FYN: variants seen among roughly 807,000 people sequenced by gnomAD.
The protein encoded by FYN is FYN proto-oncogene, Src family tyrosine kinase, also known as tyrosine-protein kinase Fyn.
Under a neutral mutation model 70.2 loss-of-function variants are expected in FYN, and 10 were observed. That is an observed-to-expected ratio of 0.14 (90% CI 0.09 to 0.24). FYN has a LOEUF of 0.24. FYN is among the 10% of genes least tolerant of loss of function. The pLI, the probability that FYN is intolerant of heterozygous loss-of-function variation, is 1.00. For synonymous variants in FYN, 236 were observed against 248.6 expected, an observed-to-expected ratio of 0.95 and a Z score of 0.48; for missense variants, 319 against 673.1, an observed-to-expected ratio of 0.47 and a Z score of 5.82.
intron 13 of FYN, among the ~76,000 whole-genome samples, chr6:111,670,851 G>C (rs891951213): frequency 6.6e-6 from 1 of 152,044 alleles, no homozygotes; most frequent in African/African-American, 2.4e-5. Flanking sequence ...TGAAATGACA[G>C]GTAAAAATGC....
chr6:111,675,150 T>C (rs1287840515), intron 12 of FYN, among the ~76,000 whole-genome samples: 1 of 152,160 alleles, frequency 6.6e-6, no homozygotes, highest in Non-Finnish European at 1.5e-5. Context: ...CTCCAGCTCC[T>C]TCTCTCTCCA....
intron 3 of FYN, among the ~76,000 whole-genome samples, chr6:111,764,699 A>G (rs1419472817): frequency 6.6e-6 from 1 of 152,160 alleles, no homozygotes; most frequent in Admixed American, 6.5e-5. Context: ...GTCACTTATC[A>G]ACTGTCTTAA....
chr6:111,857,273 A>G (rs1013521448), intron 1 of FYN, among the ~76,000 whole-genome samples: 3 of 152,190 alleles, frequency 2.0e-5, no homozygotes, highest in Admixed American at 6.5e-5. Context: ...ATCACAGTAA[A>G]TTCATTAGAG....
chr6:111,688,239 A>ACGGCGTG (rs1321196059), intron 12 of FYN, among the ~76,000 whole-genome samples: 1 of 152,206 alleles, frequency 6.6e-6, no homozygotes, highest in Non-Finnish European at 1.5e-5. Context: ...CTCTAGGAAT[A>ACGGCGTG]CGGCGTCAGG....
chr6:111,662,321 G>C (rs549518371), intron 13 of FYN, among the ~76,000 whole-genome samples: 30 of 152,330 alleles, frequency 2.0e-4, no homozygotes, highest in African/African-American at 7.2e-4. Context: ...ACTCCAAGTG[G>C]GATGGGAATG....
At chr6:111,806,065 C>T (rs1232572186) in intron 2 of FYN, among the ~76,000 whole-genome samples, 2 of 152,176 alleles carry the variant, frequency 1.3e-5, no homozygotes, top group African/African-American at 2.4e-5. Flanking sequence ...CTGGGGTTTA[C>T]GTGTAGACTG....
At chr6:111,696,150 G>A (rs1799563846) in intron 10 of FYN, 127 bp downstream of exon 10, 1 of 756,956 alleles carries the variant, frequency 1.3e-6, no homozygotes, top group Non-Finnish European at 2.0e-6. Context: ...CATAACTGGT[G>A]GTTCCTAATG....
rs1487676693 is a variant in FYN, at chr6:111,694,251, A to C, written c.1273+124T>G. 4.6e-6 allele frequency: 6 copies of C among 1,305,374 alleles called. No individual in the cohort carries two copies. The highest frequency in any genetic ancestry group is 6.4e-6 in the Non-Finnish European group (6 of 933,534). The allele number at this position is 1,305,374 out of a possible 1,614,324, so 80.9% of individuals were successfully genotyped here. A position where few individuals can be genotyped will look rare whatever the true frequency, so the allele number is the denominator to read the frequency against. On this transcript the variant is annotated intron_variant, in intron 12 of 13. Coordinates refer to ENST00000354650, the MANE Select transcript of FYN (RefSeq NM_002037.5). This position sits in a 1 kb window ranked among gnomAD's most constrained non-coding sequence, Gnocchi z 5.0. Reference sequence around the variant, plus strand: ...CCTGCCAGATCAAGGTGTCCAAACCAAGCTGAAGAATGACATTTCAAGTAT... The same window carrying C: ...CCTGCCAGATCAAGGTGTCCAAACCCAGCTGAAGAATGACATTTCAAGTAT...
chr6:111,815,727 T>C (rs1477684353), intron 2 of FYN, among the ~76,000 whole-genome samples: 7 of 144,396 alleles, frequency 4.8e-5, no homozygotes, highest in Non-Finnish European at 9.0e-5. Flanking sequence ...TTTTTTTTTT[T>C]CTTTTTTTTG....
At chr6:111,693,738 C>T (rs1454731682) in intron 12 of FYN, among the ~76,000 whole-genome samples, 1 of 152,080 alleles carries the variant, frequency 6.6e-6, no homozygotes, top group Non-Finnish European at 1.5e-5. Flanking sequence ...CTGCTCTGGA[C>T]CCATAAGGAT....
intron 13 of FYN, among the ~76,000 whole-genome samples, chr6:111,671,980 G>A (rs893234503): frequency 7.9e-5 from 12 of 152,150 alleles, no homozygotes; most frequent in Non-Finnish European, 1.3e-4. Flanking sequence ...GCTAGGAACA[G>A]GCCTGGGAAC....
chr6:111,689,947 A>T (rs771390275), intron 12 of FYN, among the ~76,000 whole-genome samples: 11 of 152,230 alleles, frequency 7.2e-5, no homozygotes, highest in Non-Finnish European at 4.4e-5. Context: ...ACAAAAAGGT[A>T]TCCACAAAAG....
intron 3 of FYN, among the ~76,000 whole-genome samples, chr6:111,724,815 G>C (rs1487700468): frequency 6.6e-6 from 1 of 152,218 alleles, no homozygotes; most frequent in African/African-American, 2.4e-5. Context: ...GACAGGTAAA[G>C]CCACATTTGG....
At chr6:111,786,935 A>G (rs1215913481) in intron 2 of FYN, among the ~76,000 whole-genome samples, 1 of 151,988 alleles carries the variant, frequency 6.6e-6, no homozygotes, top group African/African-American at 2.4e-5. Context: ...TTGTAAATTT[A>G]TTTGAGTTCT....
At chr6:111,851,772 C>A (rs6568709) in intron 1 of FYN, among the ~76,000 whole-genome samples, 16,371 of 152,132 alleles carry the variant, frequency 0.11, 1,277 homozygotes, top group African/African-American at 0.22. Flanking sequence ...ATGAATAAAG[C>A]AGGTAAGATG....
intron 1 of FYN, among the ~76,000 whole-genome samples, chr6:111,871,858 C>G (rs543601347): frequency 2.0e-5 from 3 of 152,190 alleles, no homozygotes; most frequent in Non-Finnish European, 2.9e-5. Flanking sequence ...TCAACACTAC[C>G]GGTCTCTGAA....
rs548203959 is a variant in FYN, at chr6:111,704,164, T to C, written c.444-62A>G. 4.5e-5 allele frequency: 64 copies of C among 1,409,776 alleles called. No homozygotes were observed. The South Asian group carries it at 7.0e-4, about 15-fold the overall frequency. The allele number at this position is 1,409,776 out of a possible 1,614,324, so 87.3% of individuals were successfully genotyped here. A position where few individuals can be genotyped will look rare whatever the true frequency, so the allele number is the denominator to read the frequency against. On this transcript the variant is annotated intron_variant, in intron 6 of 13. Transcript: ENST00000354650. ...TAGTCATTTACAAAATGCAACAGCA[T>C]AGGCTTTTTTTTTGCCCATGAATTC...
rs959895054 is a variant in FYN at position 111,692,603 on chromosome 6, G to A, written c.1273+1772C>T. ...ACCTTTTCATTTACCCATGGTTCAT[G>A]AGCGTTAACCACAAACCCTGTAGAG... On this transcript the variant is annotated intron_variant, in intron 12 of 13. Coordinates refer to ENST00000354650, the MANE Select transcript of FYN (RefSeq NM_002037.5). Among the ~76,000 whole-genome samples the A allele has an allele frequency of 3.9e-5, 6 of 152,294 alleles. No individual in the cohort carries two copies. The East Asian group carries it at 9.7e-4, about 25-fold the overall frequency.
chr6:111,728,198 A>G (rs1190588482), intron 3 of FYN, among the ~76,000 whole-genome samples: 3 of 152,176 alleles, frequency 2.0e-5, no homozygotes, highest in Non-Finnish European at 4.4e-5. Context: ...AACAAGGATG[A>G]TATGTTTTAA....
Sources: gnomAD v4.1 joint callset for allele counts (sites outside exome capture counted in the v4.1 genomes callset) on GRCh38, gnomAD v4.1.1 for gene constraint, Gnocchi (gnomAD v3.1) non-coding constraint, MANE v1.5 for transcripts, NCBI Gene and HGNC (gene_info 2026-07-23, HGNC 2026-07-21) for gene names.